RYR2: variants seen among roughly 807,000 people sequenced by gnomAD.
RYR2 encodes the protein ryanodine receptor 2, also known as cardiac muscle ryanodine receptor-calcium release channel.
In RYR2, 227 loss-of-function variants were observed where a neutral mutation model predicts 601.1. The observed-to-expected ratio is 0.38, with a 90% CI of 0.34 to 0.42. The LOEUF (loss-of-function observed/expected upper bound fraction) is 0.42, where lower values mean the gene tolerates loss of function less well. Ranked by LOEUF, RYR2 falls within the 10% of genes least tolerant of loss-of-function variation. RYR2 has a pLI of 1.00. For synonymous variants in RYR2, 2,223 were observed against 2,175.1 expected, an observed-to-expected ratio of 1.02 and a Z score of -0.61; for missense variants, 4,646 against 6,156.5, an observed-to-expected ratio of 0.75 and a Z score of 8.21.
At chr1:237,246,577 C>T (rs991244942) in intron 1 of RYR2, among the ~76,000 whole-genome samples, 1 of 152,160 alleles carries the variant, frequency 6.6e-6, no homozygotes, top group Admixed American at 6.5e-5. Flanking sequence ...GCTAGGACTA[C>T]AGGCATGCAC....
At chr1:237,741,358 G>A (rs185116533) in intron 79 of RYR2, among the ~76,000 whole-genome samples, 63 of 152,152 alleles carry the variant, frequency 4.1e-4, no homozygotes, top group Admixed American at 1.2e-3. Flanking sequence ...TTAAAAATAT[G>A]TTTATGATTT....
chr1:237,065,468 G>A (rs1338651694), intron 1 of RYR2, among the ~76,000 whole-genome samples: 2 of 151,010 alleles, frequency 1.3e-5, no homozygotes, highest in Non-Finnish European at 1.5e-5. Flanking sequence ...ATTTTTTTTA[G>A]TAGAGACAGG....
At chr1:237,550,909 A>C (rs577788237) in intron 27 of RYR2, among the ~76,000 whole-genome samples, 1 of 152,018 alleles carries the variant, frequency 6.6e-6, no homozygotes, top group Admixed American at 6.6e-5. Context: ...GGGCGGAGAA[A>C]ATGGGCCTGT....
intron 69 of RYR2, 147 bp from the exon 70 acceptor site, chr1:237,709,333 T>A (rs1688634271): frequency 1.5e-6 from 1 of 677,540 alleles, no homozygotes; most frequent in African/African-American, 1.8e-5. Flanking sequence ...TTATGATGTT[T>A]AAATTTTTTT....
At chr1:237,757,806 A>G (rs576599777) in intron 82 of RYR2, 30 bp downstream of exon 82, 5 of 1,347,114 alleles carry the variant, frequency 3.7e-6, no homozygotes, top group South Asian at 3.5e-5. Flanking sequence ...CATATAATGT[A>G]CTTTTCAGAC....
rs1479169757 is a variant in RYR2, at chr1:237,195,277, AC to A, written c.49-75218del. Among the ~76,000 whole-genome samples the A allele has an allele frequency of 3.9e-5, 6 of 152,278 alleles. No individual in the cohort carries two copies. In the East Asian group the frequency reaches 1.2e-3, roughly 29 times the overall value. On this transcript the variant is annotated intron_variant, in intron 1 of 104. Transcript: ENST00000366574. ...CCCAATATCTCGGCACTTAGCAATA[AC>A]CAGTCGCTCGTGTTGCCCAAACTGG...
Position 237,496,737 on chromosome 1 carries a change from C to G in RYR2, c.2188C>G (p.Leu730Val). 1 of 1,613,688 alleles carries G rather than the reference C, an allele frequency of 6.2e-7. No homozygotes were observed. ...TCTCTTCTCCTATGGATTTGATGGC[C>G]TTCATCTCTGGTCAGGTACGTACTA... Reference protein sequence around the residue: ...DDLFSYGFDGLHLWSGCIART... With the variant: ...DDLFSYGFDGVHLWSGCIART... The change falls in exon 20 of 105, where the codon CTT (leucine) becomes GTT (valine). Residue 730 changes from leucine to valine, a missense_variant. Coordinates refer to ENST00000366574, the MANE Select transcript of RYR2 (RefSeq NM_001035.3).
chr1:237,643,388 C>A lies in RYR2; in HGVS notation c.7283C>A (p.Pro2428His), dbSNP rs1221894928. ...AGGTCCATTTTGAGATCCCTCATTC[C>A]CCTGGGAGATTTGGTGGGCGTTATC... is the stretch of plus-strand genomic sequence containing the variant. ...RIRSILRSLI[P>H]LGDLVGVISI... Residue 2428 changes from proline (P) to histidine (H), a missense_variant, in exon 48 of 105, where the codon CCC (proline) becomes CAC (histidine). By Grantham distance (77) the Pro-to-His change is moderately conservative. Transcript: ENST00000366574. 14 of 1,613,588 alleles carry A rather than the reference C, an allele frequency of 8.7e-6. No homozygotes were observed. The East Asian group carries it at 3.1e-4, about 36-fold the overall frequency.
chr1:237,193,255 G>A (rs1031479763), intron 1 of RYR2, among the ~76,000 whole-genome samples: 15 of 151,924 alleles, frequency 9.9e-5, no homozygotes, highest in African/African-American at 3.1e-4. Context: ...CACGAGGTCA[G>A]GAGATCGAGA....
intron 79 of RYR2, among the ~76,000 whole-genome samples, chr1:237,734,285 A>G (rs577372632): frequency 4.1e-4 from 62 of 152,314 alleles, no homozygotes; most frequent in African/African-American, 1.4e-3. Context: ...TACATCTTAC[A>G]TGGCGGCAAG....
intron 1 of RYR2, among the ~76,000 whole-genome samples, chr1:237,269,728 C>A (rs1218488871): frequency 6.6e-6 from 1 of 152,152 alleles, no homozygotes; most frequent in Non-Finnish European, 1.5e-5. Context: ...TGCCTCAGAT[C>A]ATATAACCTA....
chr1:237,521,580 C>T (rs1159736360), intron 24 of RYR2, among the ~76,000 whole-genome samples: 2 of 151,852 alleles, frequency 1.3e-5, no homozygotes. Flanking sequence ...ATTAGCCAAG[C>T]GTCATGGCAG....
intron 1 of RYR2, among the ~76,000 whole-genome samples, chr1:237,207,623 C>T (rs1007188760): frequency 1.3e-5 from 2 of 152,158 alleles, no homozygotes; most frequent in African/African-American, 4.8e-5. Context: ...AAGCCCTCAC[C>T]GGATGCCGGC....
At chr1:237,653,842 A>G (rs1682987735) in intron 51 of RYR2, among the ~76,000 whole-genome samples, 1 of 152,206 alleles carries the variant, frequency 6.6e-6, no homozygotes, top group African/African-American at 2.4e-5. Flanking sequence ...TTGGAGTCTG[A>G]TGTTTGAGGG....
rs546132424 is a variant in RYR2 at position 237,831,638 on chromosome 1, G to T, written c.14808+73G>T. On this transcript the variant is annotated intron_variant, in intron 104 of 104. Coordinates refer to ENST00000366574, the MANE Select transcript of RYR2 (RefSeq NM_001035.3). ...CTCTAAATATCAGAACAAAATGTGTGCATTAAACAGTGAGGCACGGAATTA... is the reference window on the plus strand; with the variant it reads ...CTCTAAATATCAGAACAAAATGTGTTCATTAAACAGTGAGGCACGGAATTA... The T allele has an allele frequency of 8.1e-6, 7 of 864,256 alleles. No homozygotes were observed. In the South Asian group the frequency reaches 1.1e-4, roughly 13 times the overall value. 53.5% of individuals were successfully genotyped at this position (864,256 alleles called of 1,614,324 possible).
At position 237,106,881 on chromosome 1, in the gene RYR2, G is replaced by A. The variant is rs192787335; in HGVS notation, c.48+64312G>A. On this transcript the variant is annotated intron_variant, in intron 1 of 104. Transcript: ENST00000366574. This position sits in a 1 kb window ranked among gnomAD's most constrained non-coding sequence, Gnocchi z 4.4. ...TGTTGTCACGTGTAGAAGGGACAAA[G>A]GAGCTCTCTGAAGTCCCTTTGTAAA... Among the ~76,000 whole-genome samples the A allele has an allele frequency of 6.6e-6, 1 of 152,288 alleles. No homozygotes were observed. Among genetic ancestry groups the A allele is most frequent in the East Asian group, 1.9e-4 (1 of 5,170 alleles).
intron 1 of RYR2, among the ~76,000 whole-genome samples, chr1:237,061,280 T>TATTCATCTATC (rs1558164103): frequency 9.4e-5 from 3 of 32,014 alleles, no homozygotes; most frequent in African/African-American, 2.6e-4. Flanking sequence ...ATCTATCATC[T>TATTCATCTATC]ATCTATCTAT....
At chr1:237,827,649 A>AAT (rs1663270801) in intron 101 of RYR2, among the ~76,000 whole-genome samples, 1 of 138,220 alleles carries the variant, frequency 7.2e-6, no homozygotes, top group Non-Finnish European at 1.6e-5. Flanking sequence ...AAAAAAAAAA[A>AAT]ATGACTTGAC....
rs565748987 is a variant in RYR2 at position 237,731,357 on chromosome 1, TA to T, written c.10936-679del. On this transcript the variant is annotated intron_variant, in intron 77 of 104. Coordinates refer to ENST00000366574, the MANE Select transcript of RYR2 (RefSeq NM_001035.3). The stretch of plus-strand genomic sequence containing the variant: ...TCGCTATTAAAGTTCTATCCGATAG[TA>T]AAAAAAAAATATTTTTTAAGTTTTA... Among the ~76,000 whole-genome samples, 598 of 149,594 alleles carry T rather than the reference TA, an allele frequency of 4.0e-3. 2 individuals carry two copies. Among genetic ancestry groups the T allele is most frequent in the Non-Finnish European group, 6.9e-3 (464 of 67,186 alleles).
Sources: allele counts gnomAD v4.1 joint callset (sites outside exome capture counted in the v4.1 genomes callset), GRCh38; gene constraint gnomAD v4.1.1; non-coding constraint Gnocchi (gnomAD v3.1); transcripts MANE v1.5; gene names NCBI Gene and HGNC (gene_info 2026-07-23, HGNC 2026-07-21).